Variants in XPO1 observed in about 807,000 individuals in gnomAD.
XPO1 encodes the protein exportin 1.
XPO1 carries 5 observed loss-of-function variants against 133.3 expected under a neutral mutation model. The observed-to-expected ratio is 0.04, with a 90% CI of 0.02 to 0.08. The LOEUF (loss-of-function observed/expected upper bound fraction) is 0.08. Among genes scored for constraint, XPO1 ranks in the 10% least tolerant of loss-of-function variants. XPO1 has a pLI of 1.00. For synonymous variants in XPO1, 419 were observed against 408.2 expected (o/e 1.03, Z -0.32); for missense variants, 506 against 1,267.5 (o/e 0.40, Z 9.12).
intron 21 of XPO1, 95 bp from the exon 22 acceptor site, chr2:61,483,186 G>C: frequency 7.3e-7 from 1 of 1,377,440 alleles, no homozygotes; most frequent in South Asian, 1.6e-5. Context: ...ATCTAACCCT[G>C]TTCTCCCTTT....
chr2:61,529,889 T>C (rs1699078833), intron 2 of XPO1, among the ~76,000 whole-genome samples: 1 of 152,172 alleles, frequency 6.6e-6, no homozygotes, highest in Non-Finnish European at 1.5e-5. Context: ...AGACGCCTGC[T>C]TCCATTGTGA....
At chr2:61,482,034 C>CT (rs1195049382) in intron 23 of XPO1, among the ~76,000 whole-genome samples, 1,890 of 71,148 alleles carry the variant, frequency 0.027, 24 homozygotes, top group East Asian at 0.072. Context: ...CGTGCGTGGC[C>CT]TTTTTTTTTT....
intron 4 of XPO1, among the ~76,000 whole-genome samples, chr2:61,508,633 G>T (rs1697939265): frequency 6.6e-6 from 1 of 152,114 alleles, no homozygotes; most frequent in African/African-American, 2.4e-5. Context: ...GTAAACACTG[G>T]ATACTCAATG....
intron 17 of XPO1, 78 bp from the exon 18 acceptor site, chr2:61,488,849 C>A: frequency 6.6e-7 from 1 of 1,506,952 alleles, no homozygotes; most frequent in African/African-American, 1.4e-5. Context: ...CGCCTGTAAT[C>A]CCAGCACTCT....
At chr2:61,495,045 T>G (rs371666753) in intron 11 of XPO1, among the ~76,000 whole-genome samples, 1 of 151,960 alleles carries the variant, frequency 6.6e-6, no homozygotes, top group Non-Finnish European at 1.5e-5. Flanking sequence ...AGATTCACGA[T>G]GTAGGCCAGG....
At chr2:61,490,838 A>G in intron 16 of XPO1, 62 bp from the exon 17 acceptor site, 1 of 1,571,744 alleles carries the variant, frequency 6.4e-7, no homozygotes, top group South Asian at 1.1e-5. Flanking sequence ...AAAACCACAC[A>G]CAAGCAATTC....
At chr2:61,505,222 AC>A (rs1697739380) in intron 4 of XPO1, among the ~76,000 whole-genome samples, 1 of 151,962 alleles carries the variant, frequency 6.6e-6, no homozygotes, top group African/African-American at 2.4e-5. Context: ...TGAACTCCAA[AC>A]CTCAAGCAAT....
chr2:61,523,966 G>A (rs981645447), intron 3 of XPO1, among the ~76,000 whole-genome samples: 1 of 152,108 alleles, frequency 6.6e-6, no homozygotes, highest in African/African-American at 2.4e-5. Context: ...CTATTAAAAT[G>A]TTTCATAATC....
chr2:61,486,665 G>T (rs751720355), intron 19 of XPO1, among the ~76,000 whole-genome samples: 5 of 152,090 alleles, frequency 3.3e-5, no homozygotes, highest in Non-Finnish European at 5.9e-5. Context: ...CACCGTGTTA[G>T]CCAGGATGGT....
intron 4 of XPO1, 37 bp from the exon 5 acceptor site, chr2:61,502,347 A>G: frequency 1.3e-6 from 2 of 1,584,240 alleles, no homozygotes; most frequent in Admixed American, 1.8e-5. Flanking sequence ...AAAATTGTTG[A>G]GCTCTTTTGT....
chr2:61,515,329 T>C (rs1698316787), intron 4 of XPO1, among the ~76,000 whole-genome samples: 1 of 152,180 alleles, frequency 6.6e-6, no homozygotes, highest in Non-Finnish European at 1.5e-5. Context: ...ATATCTTCAA[T>C]ACTACAGGAG....
intron 11 of XPO1, among the ~76,000 whole-genome samples, chr2:61,495,235 A>T (rs1000139164): frequency 6.6e-6 from 1 of 152,178 alleles, no homozygotes; most frequent in African/African-American, 2.4e-5. Context: ...TTAGTAATTT[A>T]ATTTTGATTA....
At chr2:61,507,404 T>C (rs1332280713) in intron 4 of XPO1, among the ~76,000 whole-genome samples, 1 of 151,898 alleles carries the variant, frequency 6.6e-6, no homozygotes, top group Non-Finnish European at 1.5e-5. Context: ...CAAGGCCCCA[T>C]TTCCACAAAA....
intron 1 of XPO1, chr2:61,537,008 A>G (rs1699383673): frequency 6.6e-6 from 1 of 152,064 alleles, no homozygotes; most frequent in Non-Finnish European, 1.5e-5. Context: ...TGAAAAACTG[A>G]TCTTTCCTAC....
rs745904086 is a variant in XPO1, at chr2:61,526,449, A to G, written c.199T>C (p.Leu67=). 1 of 1,609,776 alleles carries G rather than the reference A, an allele frequency of 6.2e-7. No individual in the cohort carries two copies. Among genetic ancestry groups the G allele is most frequent in the East Asian group, 2.2e-5 (1 of 44,712 alleles). The change falls in exon 3 of 25, where the codon TTG becomes CTG. Residue 67 remains leucine (L), a synonymous_variant. Transcript: ENST00000401558. ...PDAWTRVDTI[L]EFSQNMNTKY... ...GTATTCATATTCTGAGAAAATTCCA[A>G]AATTGTGTCGACTCTTGTCCAAGCA...
chr2:61,513,070 C>T (rs1461020172), intron 4 of XPO1, among the ~76,000 whole-genome samples: 1 of 152,054 alleles, frequency 6.6e-6, no homozygotes, highest in Non-Finnish European at 1.5e-5. Context: ...TCACATGATG[C>T]TTTTTTCAGA....
intron 4 of XPO1, among the ~76,000 whole-genome samples, chr2:61,510,937 CAAAAA>C (rs1163597698): frequency 3.3e-5 from 2 of 61,234 alleles, no homozygotes; most frequent in Non-Finnish European, 3.4e-5. Flanking sequence ...GACCTTATCT[CAAAAA>C]AAAAAAAAAA....
At chr2:61,517,781 A>T (rs988431605) in intron 4 of XPO1, among the ~76,000 whole-genome samples, 19 of 151,952 alleles carry the variant, frequency 1.3e-4, no homozygotes, top group African/African-American at 1.9e-4. Flanking sequence ...AAAAAAAAAA[A>T]TTTTTTTTAA....
At position 61,490,787 on chromosome 2, in the gene XPO1, A is replaced by C; in HGVS notation, c.1888-11T>G. ...ATAAAACGTATGAACCTATTTTAAA[A>C]AGCAGACATTTTAACGTTTATGTTA... is the stretch of plus-strand genomic sequence containing the variant. On this transcript the variant is annotated splice_polypyrimidine_tract_variant and intron_variant, in intron 16 of 24. Transcript: ENST00000401558. 1.2e-6 allele frequency: 2 copies of C among 1,609,824 alleles called. No individual in the cohort carries two copies. The highest frequency in any genetic ancestry group is 1.7e-6 in the Non-Finnish European group (2 of 1,178,640).
Sources: allele counts gnomAD v4.1 joint callset (sites outside exome capture counted in the v4.1 genomes callset), GRCh38; gene constraint gnomAD v4.1.1; transcripts MANE v1.5; gene names NCBI Gene and HGNC (gene_info 2026-07-23, HGNC 2026-07-21).